CELF2: variants seen among roughly 807,000 people sequenced by gnomAD.
CELF2 encodes the protein CUG triplet repeat RNA-binding protein 2.
Under a neutral mutation model 62.6 loss-of-function variants are expected in CELF2, and 8 were observed. The ratio of observed to expected loss-of-function variants is 0.13; its 90% CI spans 0.07 to 0.23. The LOEUF is 0.23. Among genes scored for constraint, CELF2 ranks in the 10% least tolerant of loss-of-function variants. The pLI is 1.00. For synonymous variants in CELF2, 258 were observed against 250.0 expected, an observed-to-expected ratio of 1.03 and a Z score of -0.30; for missense variants, 333 against 671.0, an observed-to-expected ratio of 0.50 and a Z score of 5.56.
In CELF2 at chr10:10,845,971, A is replaced by G. The variant is rs192405631; in HGVS notation, c.53+47154A>G. The G allele has an allele frequency of 1.4e-3, 288 of 211,484 alleles. 2 individuals carry two copies. Among genetic ancestry groups the G allele is most frequent in the South Asian group, 0.012 (70 of 5,916 alleles). 13.1% of individuals were successfully genotyped at this position (211,484 alleles called of 1,614,324 possible). A position where few individuals can be genotyped will look rare whatever the true frequency, so the allele number is the denominator to read the frequency against. ...CCGTAATGAGCAAATTATTAATTCA[A>G]TATGGTACATCAAGACGTAAGTGCG... On this transcript the variant is annotated intron_variant, in intron 1 of 13. Transcript: ENST00000636488.
chr10:10,991,314 C>T (rs969995127), intron 2 of CELF2, among the ~76,000 whole-genome samples: 1 of 152,152 alleles, frequency 6.6e-6, no homozygotes, highest in Admixed American at 6.5e-5. Context: ...AATTTGGCAT[C>T]CTTCAAGCTG....
At chr10:10,630,650 A>G in the CELF2 span, among the ~76,000 whole-genome samples, 1 of 152,244 alleles carries the variant, frequency 6.6e-6, no homozygotes, top group Non-Finnish European at 1.5e-5. Context: ...AAGCATAAAC[A>G]TAGATACTAT....
At chr10:11,043,008 T>TA (rs1185123758) in intron 1 of CELF2, among the ~76,000 whole-genome samples, 2 of 152,218 alleles carry the variant, frequency 1.3e-5, no homozygotes, top group African/African-American at 4.8e-5. Flanking sequence ...TGTGAAAACT[T>TA]ATTTTTAATC....
chr10:10,929,816 G>A lies in CELF2; in HGVS notation c.89+9817G>A, dbSNP rs1290247815. 2.6e-5 allele frequency among the ~76,000 whole-genome samples: 4 copies of A among 152,308 alleles called. No homozygotes were observed. The South Asian group carries it at 6.2e-4, about 24-fold the overall frequency. On this transcript the variant is annotated intron_variant, in intron 2 of 13. Coordinates refer to the CELF2 transcript ENST00000636488. ...GGAGATGAGAGAGCATCAAGCCATCGGGCATATAACCCTCAAATTCAGAGT... is the reference window on the plus strand; with the variant it reads ...GGAGATGAGAGAGCATCAAGCCATCAGGCATATAACCCTCAAATTCAGAGT...
At chr10:10,504,660 A>G in the CELF2 span, among the ~76,000 whole-genome samples, 1 of 152,102 alleles carries the variant, frequency 6.6e-6, no homozygotes, top group African/African-American at 2.4e-5. Flanking sequence ...TTCAAATGAC[A>G]TGAGAGTTAG....
chr10:11,211,004 C>G lies in CELF2; in HGVS notation c.272-6421C>G, dbSNP rs1257934565. Among the ~76,000 whole-genome samples, 1 of 152,238 alleles carries G rather than the reference C, an allele frequency of 6.6e-6. No homozygotes were observed. Among genetic ancestry groups the G allele is most frequent in the African/African-American group, 2.4e-5 (1 of 41,468 alleles). ...AATTTTTAAAACTGCGTCAGCCATG[C>G]TCAGTGGCTCATGCCTGTAATCGTA... On this transcript the variant is annotated intron_variant, in intron 2 of 12. Coordinates refer to ENST00000633077, the MANE Select transcript of CELF2 (RefSeq NM_001326342.2). This position sits in a 1 kb window ranked among gnomAD's most constrained non-coding sequence, Gnocchi z 4.8.
intron 1 of CELF2, among the ~76,000 whole-genome samples, chr10:11,022,707 C>T (rs1013321978): frequency 9.2e-5 from 14 of 152,176 alleles, no homozygotes; most frequent in Non-Finnish European, 1.5e-4. Flanking sequence ...AGACAGGTTA[C>T]GTTTGGCATG....
rs1478374608 is a variant in CELF2, at chr10:10,936,713, GGTGCTGAAACAAGCAAAAGCAAA to G, written c.89+16728_89+16750del. 6.6e-6 allele frequency: 1 copy of G among 152,172 alleles called. No individual in the cohort carries two copies. The highest frequency in any genetic ancestry group is 1.5e-5 in the Non-Finnish European group (1 of 68,040). The allele number at this position is 152,172 out of a possible 1,614,324, so 9.4% of individuals were successfully genotyped here. A position where few individuals can be genotyped will look rare whatever the true frequency, so the allele number is the denominator to read the frequency against. ...GCGTTTTCCACCATAACCTTGTTCTGGTGCTGAAACAAGCAAAAGCAAAGTGCTGAAACAAGTGTCGATGCTGG... is the reference window on the plus strand; with the variant it reads ...GCGTTTTCCACCATAACCTTGTTCTGGTGCTGAAACAAGTGTCGATGCTGG... On this transcript the variant is annotated intron_variant, in intron 2 of 13. Coordinates refer to the CELF2 transcript ENST00000636488. This position sits in a 1 kb window ranked among gnomAD's most constrained non-coding sequence, Gnocchi z 4.0.
At chr10:11,291,265 T>C (rs2092487258) in intron 9 of CELF2, among the ~76,000 whole-genome samples, 1 of 152,204 alleles carries the variant, frequency 6.6e-6, no homozygotes, top group African/African-American at 2.4e-5. Context: ...TCCCCCAAAC[T>C]GTTAATTTTT....
intron 1 of CELF2, among the ~76,000 whole-genome samples, chr10:11,052,924 T>C (rs1377237774): frequency 1.3e-5 from 2 of 152,250 alleles, no homozygotes; most frequent in Non-Finnish European, 2.9e-5. Flanking sequence ...TACTAACTTT[T>C]CAGAGCTTCT....
In CELF2 at chr10:11,318,641, A is replaced by G; in HGVS notation, c.1097-2548A>G. On this transcript the variant is annotated intron_variant, in intron 10 of 12. Transcript: ENST00000633077. The surrounding 1 kb of genome is among the most constrained non-coding windows in gnomAD (Gnocchi z 5.4). ...CCTCACAATACCCTCTGAAACATCC[A>G]TCCAGTATTTCAAGAGCAGGAGCTG... is the stretch of plus-strand genomic sequence containing the variant. 2.5e-6 allele frequency: 1 copy of G among 395,310 alleles called. No individual in the cohort carries two copies. The highest frequency in any genetic ancestry group is 5.2e-6 in the Non-Finnish European group (1 of 191,742). 24.5% of individuals were successfully genotyped at this position (395,310 alleles called of 1,614,324 possible).
intron 1 of CELF2, among the ~76,000 whole-genome samples, chr10:10,912,969 T>C (rs1368680130): frequency 6.6e-6 from 1 of 152,174 alleles, no homozygotes; most frequent in Middle Eastern, 3.2e-3. Context: ...ATTAAGTGAG[T>C]GGACGCCTGT....
chr10:11,041,971 A>T (rs935529101), intron 1 of CELF2, among the ~76,000 whole-genome samples: 88 of 152,222 alleles, frequency 5.8e-4, no homozygotes, highest in African/African-American at 2.0e-3. Context: ...ATATATTATG[A>T]TCTACCCATT....
chr10:10,640,058 C>T, the CELF2 span, among the ~76,000 whole-genome samples: 1 of 152,148 alleles, frequency 6.6e-6, no homozygotes, highest in Non-Finnish European at 1.5e-5. Flanking sequence ...CTCCAAAAAG[C>T]CTTTCCCAAT....
In CELF2 at chr10:11,202,465, G is replaced by A. The variant is rs560357823; in HGVS notation, c.272-14960G>A. Among the ~76,000 whole-genome samples the A allele has an allele frequency of 2.8e-4, 43 of 152,314 alleles. 1 individual carries two copies. In the South Asian group the frequency reaches 7.5e-3, roughly 26 times the overall value. On this transcript the variant is annotated intron_variant, in intron 2 of 12. Coordinates refer to ENST00000633077, the MANE Select transcript of CELF2 (RefSeq NM_001326342.2). ...GGAGTATCTGTGGGGTGAGCTTTTC[G>A]TAGCAAATTTGGATCCTAGACTGCC...
At chr10:10,722,209 G>T in the CELF2 span, among the ~76,000 whole-genome samples, 1 of 152,158 alleles carries the variant, frequency 6.6e-6, no homozygotes, top group Non-Finnish European at 1.5e-5. Flanking sequence ...GGCCAAGGCA[G>T]GAGGATTGCT....
the CELF2 span, among the ~76,000 whole-genome samples, chr10:10,790,012 T>C: frequency 6.6e-6 from 1 of 152,066 alleles, no homozygotes; most frequent in African/African-American, 2.4e-5. Flanking sequence ...AGACAAAAAT[T>C]TGCCTTCCTT....
At chr10:11,179,514 T>C (rs900337537) in intron 2 of CELF2, among the ~76,000 whole-genome samples, 15 of 152,210 alleles carry the variant, frequency 9.9e-5, no homozygotes, top group African/African-American at 3.6e-4. Context: ...AAATGCTACC[T>C]CTCTCTGATC....
In CELF2 at chr10:11,316,922, C is replaced by A. The variant is rs1351856201; in HGVS notation, c.1096+2664C>A. The A allele has an allele frequency of 6.6e-6, 1 of 152,186 alleles. No individual in the cohort carries two copies. 9.4% of individuals were successfully genotyped at this position (152,186 alleles called of 1,614,324 possible). ...AGCGCCCTAAAAATGTAAGAATCAT[C>A]CAGATCAGAAGAAGGAACACATGTG... On this transcript the variant is annotated intron_variant, in intron 10 of 12. Transcript: ENST00000633077. This position sits in a 1 kb window ranked among gnomAD's most constrained non-coding sequence, Gnocchi z 4.4.
Sources: allele counts gnomAD v4.1 joint callset (sites outside exome capture counted in the v4.1 genomes callset), GRCh38; gene constraint gnomAD v4.1.1; non-coding constraint Gnocchi (gnomAD v3.1); transcripts MANE v1.5; gene names NCBI Gene and HGNC (gene_info 2026-07-23, HGNC 2026-07-21).